CHIC1: variants seen among roughly 807,000 people sequenced by gnomAD.
CHIC1 encodes the protein cysteine-rich hydrophobic domain-containing protein 1.
In CHIC1, 7 loss-of-function variants were observed where a neutral mutation model predicts 18.5. The observed-to-expected ratio is 0.38, with a 90% CI of 0.22 to 0.71. The LOEUF is 0.71. Ranked by LOEUF, CHIC1 falls within the 30% of genes least tolerant of loss-of-function variation. The probability of loss-of-function intolerance (pLI) is 0.49; values close to 1 mark genes in which losing one functional copy is unlikely to be tolerated. For synonymous variants in CHIC1, 77 were observed against 73.5 expected (o/e 1.05, Z -0.25); for missense variants, 159 against 176.9 (o/e 0.90, Z 0.57).
chrX:73,604,549 T>G (rs952177304), intron 3 of CHIC1, among the ~76,000 whole-genome samples: 3 of 108,625 alleles, frequency 2.8e-5, no homozygotes, highest in Non-Finnish European at 5.6e-5. Context: ...TCTGCTAGCT[T>G]TTGAATTTGT....
At chrX:73,601,199 A>G (rs1358193950) in intron 3 of CHIC1, among the ~76,000 whole-genome samples, 1 of 105,092 alleles carries the variant, frequency 9.5e-6, no homozygotes, top group African/African-American at 3.7e-5. Context: ...TCAGCTCTGC[A>G]CCAAGCAGAC....
intron 1 of CHIC1, among the ~76,000 whole-genome samples, chrX:73,571,660 C>T (rs2057471300): frequency 1.8e-5 from 2 of 111,013 alleles, no homozygotes; most frequent in South Asian, 7.4e-4. Flanking sequence ...ATATAATATT[C>T]TCATTACATG....
At chrX:73,672,237 A>C (rs2058035046) in intron 3 of CHIC1, among the ~76,000 whole-genome samples, 1 of 111,879 alleles carries the variant, frequency 8.9e-6, no homozygotes, top group African/African-American at 3.3e-5. Context: ...ATACGTGTGC[A>C]TGTGTCTTTA....
rs932128204 is a variant in CHIC1 at position 73,627,329 on chromosome X, C to A, written c.507+42757C>A. On this transcript the variant is annotated intron_variant, in intron 3 of 5. Coordinates refer to ENST00000373502, the MANE Select transcript of CHIC1 (RefSeq NM_001039840.4). ...TCGCTGACTACTACCTATGTTCACT[C>A]AAGGCCCTGGAGCTCTACAATCAGG... 2.9e-4 allele frequency among the ~76,000 whole-genome samples: 32 copies of A among 112,005 alleles called. No homozygotes were observed. The Admixed American group carries it at 2.9e-3, about 10-fold the overall frequency.
chrX:73,652,577 C>A (rs1450508675), intron 3 of CHIC1, among the ~76,000 whole-genome samples: 1 of 112,154 alleles, frequency 8.9e-6, no homozygotes, highest in Non-Finnish European at 1.9e-5. Flanking sequence ...AGTATATGAA[C>A]AGACGCTATT....
At chrX:73,614,880 G>C (rs905752440) in intron 3 of CHIC1, among the ~76,000 whole-genome samples, 1 of 109,796 alleles carries the variant, frequency 9.1e-6, no homozygotes, top group Non-Finnish European at 1.9e-5. Context: ...ATTTCTTTCT[G>C]ATTGGAGCCT....
chrX:73,596,888 TAA>T (rs760494930), intron 3 of CHIC1, among the ~76,000 whole-genome samples: 1 of 111,982 alleles, frequency 8.9e-6, no homozygotes, highest in Non-Finnish European at 1.9e-5. Flanking sequence ...ACAGATGTAT[TAA>T]AAGATTTAAA....
chrX:73,589,995 G>A (rs2057573619), intron 3 of CHIC1, among the ~76,000 whole-genome samples: 1 of 111,287 alleles, frequency 9.0e-6, no homozygotes, highest in South Asian at 3.7e-4. Context: ...AGAGTCTCTT[G>A]TACTTAACAA....
At chrX:73,605,237 C>G (rs1460772802) in intron 3 of CHIC1, among the ~76,000 whole-genome samples, 5 of 108,246 alleles carry the variant, frequency 4.6e-5, no homozygotes, top group Admixed American at 1.9e-4. Context: ...TGCATTGAAC[C>G]CTTTACCATT....
At position 73,603,940 on chromosome X, in the gene CHIC1, A is replaced by G. The variant is rs970147944; in HGVS notation, c.507+19368A>G. Among the ~76,000 whole-genome samples the G allele has an allele frequency of 6.4e-5, 7 of 109,020 alleles. No individual in the cohort carries two copies. In the East Asian group the frequency reaches 8.4e-4, roughly 13 times the overall value. The allele number at this position is 109,020 out of a possible 115,157, so 94.7% of individuals were successfully genotyped here. A position where few individuals can be genotyped will look rare whatever the true frequency, so the allele number is the denominator to read the frequency against. On this transcript the variant is annotated intron_variant, in intron 3 of 5. Coordinates refer to ENST00000373502, the MANE Select transcript of CHIC1 (RefSeq NM_001039840.4). ...GAGGATTTTCGCATCAATGTTCATC[A>G]GGTATATTGGCCTGAAATTTTCTTT...
At position 73,686,009 on chromosome X, in the gene CHIC1, A is replaced by C. The variant is rs1406024571; in HGVS notation, c.*5004A>C. 1.8e-5 allele frequency: 2 copies of C among 111,449 alleles called. No individual in the cohort carries two copies. Among genetic ancestry groups the C allele is most frequent in the Non-Finnish European group, 3.8e-5 (2 of 52,933 alleles). 9.2% of individuals were successfully genotyped at this position (111,449 alleles called of 1,213,427 possible). The stretch of plus-strand genomic sequence containing the variant: ...TATTAGAAATTATACATTTACCCAT[A>C]ATATTCCTGCTTCACAAGTCAATTA... On this transcript the variant is annotated 3_prime_UTR_variant, in exon 6 of 6. Transcript: ENST00000373502.
intron 3 of CHIC1, among the ~76,000 whole-genome samples, chrX:73,644,198 G>C (rs903385637): frequency 8.9e-6 from 1 of 112,005 alleles, no homozygotes; most frequent in African/African-American, 3.2e-5. Flanking sequence ...GTAGAACAGC[G>C]GATATTGGTG....
chrX:73,615,067 G>A (rs923555783), intron 3 of CHIC1, among the ~76,000 whole-genome samples: 6 of 111,236 alleles, frequency 5.4e-5, no homozygotes, highest in African/African-American at 1.3e-4. Context: ...TATGGTGTTG[G>A]TTGGGTAGAG....
At chrX:73,598,449 T>G (rs1469894018) in intron 3 of CHIC1, among the ~76,000 whole-genome samples, 1 of 104,553 alleles carries the variant, frequency 9.6e-6, no homozygotes, top group Non-Finnish European at 2.0e-5. Flanking sequence ...TCATCTAGCA[T>G]TAGGTATATC....
At chrX:73,634,375 A>G (rs975244288) in intron 3 of CHIC1, among the ~76,000 whole-genome samples, 2 of 112,909 alleles carry the variant, frequency 1.8e-5, no homozygotes, top group Non-Finnish European at 3.7e-5. Flanking sequence ...GCACTGCCCA[A>G]GCATGAACAA....
At chrX:73,632,763 CTTTT>C (rs778008597) in intron 3 of CHIC1, among the ~76,000 whole-genome samples, 1 of 63,652 alleles carries the variant, frequency 1.6e-5, no homozygotes, top group Middle Eastern at 0.018. Context: ...TATTGTTATT[CTTTT>C]TTTTTTTTTT....
At chrX:73,618,578 A>T (rs1007862845) in intron 3 of CHIC1, among the ~76,000 whole-genome samples, 2 of 111,535 alleles carry the variant, frequency 1.8e-5, no homozygotes, top group Non-Finnish European at 3.8e-5. Flanking sequence ...TACAGGCTTC[A>T]TCCAGCTCCC....
intron 3 of CHIC1, among the ~76,000 whole-genome samples, chrX:73,672,890 T>G (rs1238216413): frequency 8.9e-6 from 1 of 112,130 alleles, no homozygotes; most frequent in African/African-American, 3.3e-5. Flanking sequence ...AGGGTTTCTA[T>G]GGTTTTAGGT....
At chrX:73,631,477 A>C (rs1213311169) in intron 3 of CHIC1, among the ~76,000 whole-genome samples, 1 of 110,041 alleles carries the variant, frequency 9.1e-6, no homozygotes, top group Non-Finnish European at 1.9e-5. Flanking sequence ...AAATACAAAA[A>C]AAAAAATTAG....
Sources: allele counts gnomAD v4.1 joint callset (sites outside exome capture counted in the v4.1 genomes callset), GRCh38; gene constraint gnomAD v4.1.1; transcripts MANE v1.5; gene names NCBI Gene and HGNC (gene_info 2026-07-23, HGNC 2026-07-21).